HERC2: variants seen among roughly 807,000 people sequenced by gnomAD.
The protein encoded by HERC2 is E3 ubiquitin-protein ligase HERC2.
A neutral mutation model predicts 537.7 loss-of-function variants in HERC2; 102 were observed. The observed-to-expected ratio is 0.19, with a 90% CI of 0.16 to 0.22. The LOEUF is 0.22. Among genes scored for constraint, HERC2 ranks in the 10% least tolerant of loss-of-function variants. HERC2 has a pLI of 1.00. For synonymous variants in HERC2, 2,224 were observed against 2,466.2 expected, an observed-to-expected ratio of 0.90 and a Z score of 2.91; for missense variants, 4,236 against 6,198.2, an observed-to-expected ratio of 0.68 and a Z score of 10.63.
At chr15:28,212,252 C>T (rs1480022325) in intron 43 of HERC2, among the ~76,000 whole-genome samples, 193 bp downstream of exon 43, 2 of 152,138 alleles carry the variant, frequency 1.3e-5, no homozygotes, top group African/African-American at 4.8e-5. Context: ...CCGAACATGG[C>T]GACAAAAGCT....
At chr15:28,242,549 A>G (rs1401744331) in intron 23 of HERC2, among the ~76,000 whole-genome samples, 1 of 152,200 alleles carries the variant, frequency 6.6e-6, no homozygotes, top group Non-Finnish European at 1.5e-5. Flanking sequence ...GTGGTTATCA[A>G]TAACAATAAG....
intron 78 of HERC2, among the ~76,000 whole-genome samples, chr15:28,136,624 T>C (rs1890669094): frequency 6.7e-6 from 1 of 148,896 alleles, no homozygotes; most frequent in Non-Finnish European, 1.5e-5. Flanking sequence ...ACAACAGGAG[T>C]TGGCAAATTA....
At chr15:28,118,480 A>G (rs935102845) in intron 86 of HERC2, 10 of 152,272 alleles carry the variant, frequency 6.6e-5, no homozygotes, top group Non-Finnish European at 1.3e-4. Context: ...AGAAATGTGC[A>G]TGCAATAACT....
chr15:28,278,431 T>C (rs1442058079), intron 5 of HERC2, among the ~76,000 whole-genome samples: 1 of 152,110 alleles, frequency 6.6e-6, no homozygotes, highest in Non-Finnish European at 1.5e-5. Flanking sequence ...CAATACAAGG[T>C]AAATGCTCTG....
In HERC2 at chr15:28,111,721, T is replaced by C. The variant is rs760015880; in HGVS notation, c.*42A>G. ...GTCTACACAGCAGCGAGCGCTCTGC[T>C]GCCTGGCTCAGGCTCTCATCTCACG... On this transcript the variant is annotated 3_prime_UTR_variant, in exon 93 of 93. Coordinates refer to ENST00000261609, the MANE Select transcript of HERC2 (RefSeq NM_004667.6). The C allele has an allele frequency of 4.7e-5, 75 of 1,603,474 alleles. No homozygotes were observed. The Admixed American group carries it at 1.0e-3, about 22-fold the overall frequency.
chr15:28,129,700 C>T (rs1889895115), intron 83 of HERC2, among the ~76,000 whole-genome samples: 2 of 151,914 alleles, frequency 1.3e-5, no homozygotes, highest in South Asian at 4.2e-4. Flanking sequence ...ACAGGTTTAA[C>T]AGCAGGGGCT....
chr15:28,129,370 G>A (rs1236976700), intron 83 of HERC2, among the ~76,000 whole-genome samples: 2 of 152,234 alleles, frequency 1.3e-5, no homozygotes, highest in Admixed American at 6.5e-5. Context: ...GTCAGGTGCT[G>A]TCTGCCGGGA....
intron 70 of HERC2, among the ~76,000 whole-genome samples, chr15:28,147,056 AG>A (rs1244863162): frequency 1.4e-5 from 2 of 142,830 alleles, no homozygotes; most frequent in African/African-American, 2.7e-5. Context: ...GAGTGGAAGC[AG>A]GAACACAGGG....
At chr15:28,286,728 A>G (rs1042085015) in intron 4 of HERC2, among the ~76,000 whole-genome samples, 2 of 152,212 alleles carry the variant, frequency 1.3e-5, no homozygotes, top group Non-Finnish European at 2.9e-5. Flanking sequence ...AATGATTTAG[A>G]TAGTTACTAA....
rs1480527866 is a variant in HERC2 at position 28,321,562 on chromosome 15, A to G, written c.-31-98T>C. ...AAGAAAAAAGAGAGAGAGAACAGAA[A>G]GGGGGGAGAGAAGAGCTGGTGGAGG... On this transcript the variant is annotated intron_variant, in intron 1 of 92. Coordinates refer to ENST00000261609, the MANE Select transcript of HERC2 (RefSeq NM_004667.6). The G allele has an allele frequency of 1.4e-4, 72 of 531,596 alleles. 1 individual carries two copies. The highest frequency in any genetic ancestry group is 1.6e-5 in the Non-Finnish European group (5 of 320,172). The allele number at this position is 531,596 out of a possible 1,614,324, so 32.9% of individuals were successfully genotyped here.
At chr15:28,204,145 A>G (rs1268468660) in intron 45 of HERC2, among the ~76,000 whole-genome samples, 6 of 152,118 alleles carry the variant, frequency 3.9e-5, no homozygotes, top group Non-Finnish European at 1.5e-5. Context: ...ATACAATGTA[A>G]CGTCCAAAGA....
At chr15:28,144,888 T>G (rs1891581298) in intron 71 of HERC2, 84 bp from the exon 72 acceptor site, 1 of 1,573,274 alleles carries the variant, frequency 6.4e-7, no homozygotes, top group Non-Finnish European at 8.7e-7. Context: ...AGCAGAATGA[T>G]TTCCGTCACG....
chr15:28,127,650 G>C (rs566890753), intron 83 of HERC2, among the ~76,000 whole-genome samples: 1 of 152,266 alleles, frequency 6.6e-6, no homozygotes, highest in African/African-American at 2.4e-5. Context: ...CAGATGCCAG[G>C]GCTCCTTGGA....
chr15:28,114,895 C>T (rs1888043845), intron 89 of HERC2, 93 bp from the exon 90 acceptor site: 3 of 1,040,212 alleles, frequency 2.9e-6, no homozygotes, highest in Non-Finnish European at 1.4e-6. Context: ...CAAGCAGGAA[C>T]CAGGGTCAGC....
chr15:28,229,911 A>G (rs527625588), intron 31 of HERC2, 64 bp from the exon 32 acceptor site: 1 of 842,710 alleles, frequency 1.2e-6, no homozygotes, highest in South Asian at 1.6e-5. Flanking sequence ...GTGCTCTAAA[A>G]GTTATTCAAG....
Position 28,134,795 on chromosome 15 carries a change from C to T in HERC2, c.12230+683G>A, listed in dbSNP as rs1263736196. Among the ~76,000 whole-genome samples, 8 of 151,466 alleles carry T rather than the reference C, an allele frequency of 5.3e-5. No individual in the cohort carries two copies. In the South Asian group the frequency reaches 6.3e-4, roughly 12 times the overall value. On this transcript the variant is annotated intron_variant, in intron 79 of 92. Transcript: ENST00000261609. ...TCGGCTCACTGCAACCTCCACCTCC[C>T]GAGAAGCTGGGACTACAGGTGTGTG...
At chr15:28,140,702 C>T (rs1261046413) in intron 78 of HERC2, among the ~76,000 whole-genome samples, 3 of 151,430 alleles carry the variant, frequency 2.0e-5, no homozygotes, top group African/African-American at 4.8e-5. Flanking sequence ...TTGTATTTTT[C>T]GTAGAGACAG....
At chr15:28,307,739 A>G (rs540654314) in intron 2 of HERC2, among the ~76,000 whole-genome samples, 8 of 152,236 alleles carry the variant, frequency 5.3e-5, no homozygotes, top group Non-Finnish European at 8.8e-5. Context: ...TTATATGGCA[A>G]AAGAGGAATC....
At chr15:28,257,036 G>A in intron 17 of HERC2, 25 bp downstream of exon 17, 1 of 1,589,814 alleles carries the variant, frequency 6.3e-7, no homozygotes, top group Non-Finnish European at 8.6e-7. Context: ...ACAAAAGGAG[G>A]AAGAAGAAGG....
Sources: gnomAD v4.1 joint callset for allele counts (sites outside exome capture counted in the v4.1 genomes callset) on GRCh38, gnomAD v4.1.1 for gene constraint, MANE v1.5 for transcripts, NCBI Gene and HGNC (gene_info 2026-07-23, HGNC 2026-07-21) for gene names.